TAF1: variants seen among roughly 807,000 people sequenced by gnomAD.
The protein encoded by TAF1 is transcription initiation factor TFIID subunit 1.
In TAF1, 2 loss-of-function variants were observed where a neutral mutation model predicts 138.5. The observed-to-expected ratio is 0.01, with a 90% CI of 0.01 to 0.05. The LOEUF (loss-of-function observed/expected upper bound fraction) is 0.05. Ranked by LOEUF, TAF1 falls within the 10% of genes least tolerant of loss-of-function variation. TAF1 has a pLI of 1.00. For missense variants in TAF1, 709 were observed against 1,478.0 expected (o/e 0.48, Z 8.53); for synonymous variants, 437 against 503.2 (o/e 0.87, Z 1.76).
rs748051374 is a variant in TAF1 at position 71,407,870 on chromosome X, T to C, written c.4207-104T>C. ...GACGTGCTCCATCTAGAAAGATTCC[T>C]TTCAGTGTTGATAGCCAGGTAGATA... On this transcript the variant is annotated intron_variant, in intron 27 of 37. Coordinates refer to ENST00000423759, the MANE Select transcript of TAF1 (RefSeq NM_004606.5). 1.5e-4 allele frequency: 155 copies of C among 1,063,983 alleles called. No homozygotes were observed. In the African/African-American group the frequency reaches 2.7e-3, roughly 19 times the overall value. The allele number at this position is 1,063,983 out of a possible 1,213,427, so 87.7% of individuals were successfully genotyped here. A position where few individuals can be genotyped will look rare whatever the true frequency, so the allele number is the denominator to read the frequency against.
chrX:71,417,752 CATT>C (rs1182826238), intron 28 of TAF1, among the ~76,000 whole-genome samples: 3 of 111,528 alleles, frequency 2.7e-5, no homozygotes, highest in Non-Finnish European at 5.7e-5. Flanking sequence ...GTTTTCCACT[CATT>C]ATGTGTTTAT....
At chrX:71,453,718 C>T (rs1469766782) in intron 32 of TAF1, among the ~76,000 whole-genome samples, 1 of 109,279 alleles carries the variant, frequency 9.2e-6, no homozygotes, top group Non-Finnish European at 1.9e-5. Context: ...TAAAAGCATC[C>T]TTAGGATGGG....
rs1403445232 is a variant in TAF1, at chrX:71,508,080, C to CTG, written c.1367-20461_1367-20460insGT. On this transcript the variant is annotated intron_variant and NMD_transcript_variant, in intron 13 of 14. Coordinates refer to the TAF1 transcript ENST00000373775. The stretch of plus-strand genomic sequence containing the variant: ...ATATATGAATATTCTCTCTCTCTCT[C>CTG]TCTCTCTATATATATATATATATAT... Among the ~76,000 whole-genome samples the CTG allele has an allele frequency of 3.1e-5, 3 of 96,149 alleles. No homozygotes were observed. In the East Asian group the frequency reaches 9.9e-4, roughly 32 times the overall value. The allele number at this position is 96,149 out of a possible 115,157, so 83.5% of individuals were successfully genotyped here. A position where few individuals can be genotyped will look rare whatever the true frequency, so the allele number is the denominator to read the frequency against.
chrX:71,377,258 T>C, intron 5 of TAF1, 67 bp downstream of exon 5: 5 of 1,184,711 alleles, frequency 4.2e-6, no homozygotes, highest in Non-Finnish European at 5.7e-6. Flanking sequence ...GTTTTGTTGT[T>C]AAGATGCTGA....
intron 13 of TAF1, among the ~76,000 whole-genome samples, chrX:71,502,297 G>A (rs1015847489): frequency 9.0e-6 from 1 of 111,335 alleles, no homozygotes; most frequent in Non-Finnish European, 1.9e-5. Flanking sequence ...ACAGAGCGCT[G>A]ATTGGTGCGT....
intron 9 of TAF1, 97 bp downstream of exon 9, chrX:71,382,016 G>C: frequency 1.0e-6 from 1 of 990,997 alleles, no homozygotes; most frequent in East Asian, 3.5e-5. Flanking sequence ...AGATGATTAG[G>C]ACTAGAAACC....
rs1365814860 is a variant in TAF1 at position 71,423,127 on chromosome X, A to G, written c.4463A>G (p.Lys1488Arg). ...TTTGTTTAATTTCAGAAAGAAGACA[A>G]ATTAGCTCGCTTAGAGAAAGCTATC... ...CDEKLKEKEDKLARLEKAINP... is the reference protein window; with the variant it reads ...CDEKLKEKEDRLARLEKAINP... The change falls in exon 30 of 38, where the codon AAA becomes AGA. Residue 1488 changes from lysine to arginine, a missense_variant. Around this residue, in one of 14 missense-constraint regions of TAF1, gnomAD observed 63 missense variants for 163.3 expected, o/e 0.39. Transcript: ENST00000423759. 2 of 1,211,792 alleles carry G rather than the reference A, an allele frequency of 1.7e-6. No individual in the cohort carries two copies. The highest frequency in any genetic ancestry group is 1.1e-6 in the Non-Finnish European group (1 of 895,485).
rs949702127 is a variant in TAF1 at position 71,423,341 on chromosome X, G to A, written c.4575+102G>A. The A allele has an allele frequency of 4.5e-6, 5 of 1,117,625 alleles. No homozygotes were observed. The East Asian group carries it at 1.2e-4, about 28-fold the overall frequency. 92.1% of individuals were successfully genotyped at this position (1,117,625 alleles called of 1,213,427 possible). On this transcript the variant is annotated intron_variant, in intron 30 of 37. Transcript: ENST00000423759. ...TATTTTGGAGAGTCTGAGTGGTGGTGTATGTCAGTTGTGACTGGTATGTGA... is the reference window on the plus strand; with the variant it reads ...TATTTTGGAGAGTCTGAGTGGTGGTATATGTCAGTTGTGACTGGTATGTGA...
intron 13 of TAF1, 44 bp downstream of exon 13, chrX:71,384,179 C>T (rs1246080524): frequency 5.9e-6 from 7 of 1,178,793 alleles, no homozygotes; most frequent in South Asian, 1.9e-5. Flanking sequence ...CATAATTCTG[C>T]TTATGCTTCC....
intron 37 of TAF1, 57 bp downstream of exon 37, chrX:71,460,860 A>G: frequency 8.7e-7 from 1 of 1,152,062 alleles, no homozygotes; most frequent in Non-Finnish European, 1.2e-6. Flanking sequence ...TATGATGTTG[A>G]GGGGCCCAAC....
At chrX:71,503,284 ATATATATATATGTG>A (rs2039547592) in intron 13 of TAF1, among the ~76,000 whole-genome samples, 1 of 93,928 alleles carries the variant, frequency 1.1e-5, no homozygotes, top group Non-Finnish European at 2.0e-5. Context: ...AAAAATATAT[ATATATATATATGTG>A]TATATATATA....
At chrX:71,492,156 G>C (rs758531055) in intron 13 of TAF1, 36 of 117,584 alleles carry the variant, frequency 3.1e-4, no homozygotes, top group African/African-American at 1.1e-3. Flanking sequence ...CCGGCATCTG[G>C]AACAGTACCA....
intron 7 of TAF1, 63 bp from the exon 8 acceptor site, chrX:71,378,761 T>A: frequency 1.8e-6 from 2 of 1,094,641 alleles, no homozygotes; most frequent in Non-Finnish European, 2.5e-6. Flanking sequence ...AATGTGGAAT[T>A]TGGAGTGGAA....
At position 71,510,046 on chromosome X, in the gene TAF1, C is replaced by T. The variant is rs758891353; in HGVS notation, c.1367-18496C>T. On this transcript the variant is annotated intron_variant and NMD_transcript_variant, in intron 13 of 14. Transcript: ENST00000373775. Reference sequence around the variant, plus strand: ...GTGTGGTGGCACACACCTGTAGTCTCAGCTACTCAGGAGGCTGAGGCAGGA... The same window carrying T: ...GTGTGGTGGCACACACCTGTAGTCTTAGCTACTCAGGAGGCTGAGGCAGGA... Among the ~76,000 whole-genome samples the T allele has an allele frequency of 2.7e-5, 3 of 111,072 alleles. No individual in the cohort carries two copies. The South Asian group carries it at 1.2e-3, about 43-fold the overall frequency.
Position 71,394,231 on chromosome X carries a change from A to G in TAF1, c.3392A>G (p.Gln1131Arg). The G allele has an allele frequency of 8.3e-7, 1 of 1,208,759 alleles. No individual in the cohort carries two copies. Among genetic ancestry groups the G allele is most frequent in the Non-Finnish European group, 1.1e-6 (1 of 893,861 alleles). Reference sequence around the variant, plus strand: ...GAGGAACAGGAGCGGAAGGAACTACAGCGAATGCTACTGGGTGAGGATCTT... The same window carrying G: ...GAGGAACAGGAGCGGAAGGAACTACGGCGAATGCTACTGGGTGAGGATCTT... Reference protein sequence around the residue: ...EREEQERKELQRMLLAAGSAA... With the variant: ...EREEQERKELRRMLLAAGSAA... Residue 1131 changes from glutamine to arginine, a missense_variant, in exon 22 of 38, where the codon CAG becomes CGG. Coordinates refer to ENST00000423759, the MANE Select transcript of TAF1 (RefSeq NM_004606.5).
chrX:71,413,238 T>C (rs773133042), intron 28 of TAF1, among the ~76,000 whole-genome samples: 4 of 111,938 alleles, frequency 3.6e-5, no homozygotes, highest in Non-Finnish European at 5.6e-5. Flanking sequence ...CTCTTATGTT[T>C]AATTAACTTT....
At chrX:71,370,841 C>T (rs1023105560) in intron 3 of TAF1, among the ~76,000 whole-genome samples, 1 of 111,537 alleles carries the variant, frequency 9.0e-6, no homozygotes, top group African/African-American at 3.3e-5. Context: ...AAAAAGTAAC[C>T]CACGAAAAAT....
At chrX:71,419,169 T>G (rs1212001092) in intron 28 of TAF1, among the ~76,000 whole-genome samples, 1 of 111,678 alleles carries the variant, frequency 9.0e-6, no homozygotes, top group Non-Finnish European at 1.9e-5. Flanking sequence ...ATTTTATATG[T>G]TAAGTGTGGG....
chrX:71,451,211 A>C (rs907359538), intron 32 of TAF1, among the ~76,000 whole-genome samples: 3 of 112,252 alleles, frequency 2.7e-5, no homozygotes, highest in African/African-American at 9.7e-5. Flanking sequence ...ACAAACTACA[A>C]GCCACCAGTT....
Sources: allele counts gnomAD v4.1 joint callset (sites outside exome capture counted in the v4.1 genomes callset), GRCh38; gene constraint gnomAD v4.1.1; regional missense constraint gnomAD v4.1.1; transcripts MANE v1.5; gene names NCBI Gene and HGNC (gene_info 2026-07-23, HGNC 2026-07-21).